PRUNE2: variants seen among roughly 807,000 people sequenced by gnomAD.
PRUNE2 encodes the protein prune homolog 2 with BCH domain, also known as protein prune homolog 2.
PRUNE2 carries 164 observed loss-of-function variants against 252.0 expected under a neutral mutation model. The ratio of observed to expected loss-of-function variants is 0.65; its 90% CI spans 0.57 to 0.74. The LOEUF (loss-of-function observed/expected upper bound fraction) is 0.74, where lower values mean the gene tolerates loss of function less well. Ranked by LOEUF, PRUNE2 falls within the 30% of genes least tolerant of loss-of-function variation. PRUNE2 has a pLI of 0.00. For missense variants in PRUNE2, 3,495 were observed against 3,711.0 expected, an observed-to-expected ratio of 0.94 and a Z score of 1.51; for synonymous variants, 1,292 against 1,350.2, an observed-to-expected ratio of 0.96 and a Z score of 0.94.
chr9:76,705,197 C>T lies in PRUNE2; in HGVS notation c.7077G>A (p.Gln2359=), dbSNP rs901107332. Residue 2359 remains glutamine (Q), a synonymous_variant, in exon 8 of 19, where the codon CAG becomes CAA. Coordinates refer to ENST00000376718, the MANE Select transcript of PRUNE2 (RefSeq NM_015225.3). ...WGDFEYDVMG[Q]NIDEDLLREP... The stretch of plus-strand genomic sequence containing the variant: ...CTCTCAGTAAATCTTCATCGATATT[C>T]TGGCCCATTACATCATATTCAAAAT... 13 of 1,614,046 alleles carry T rather than the reference C, an allele frequency of 8.1e-6. No homozygotes were observed. The highest frequency in any genetic ancestry group is 1.1e-5 in the Non-Finnish European group (13 of 1,179,906).
intron 1 of PRUNE2, among the ~76,000 whole-genome samples, chr9:76,874,577 T>C (rs546398961): frequency 7.5e-4 from 114 of 152,326 alleles, no homozygotes; most frequent in African/African-American, 2.6e-3. Flanking sequence ...GTCAGTCTAA[T>C]AGGAAAAAGA....
chr9:76,647,836 T>C (rs1237817009), intron 11 of PRUNE2, among the ~76,000 whole-genome samples: 1 of 151,962 alleles, frequency 6.6e-6, no homozygotes, highest in African/African-American at 2.4e-5. Context: ...GTGGCATGCA[T>C]CTGTAATCCC....
chr9:76,796,599 C>T (rs1383051435), intron 6 of PRUNE2, among the ~76,000 whole-genome samples: 1 of 152,210 alleles, frequency 6.6e-6, no homozygotes, highest in Non-Finnish European at 1.5e-5. Flanking sequence ...TGCCTCCTTA[C>T]AGCTGGCATT....
At chr9:76,620,042 TATACTG>T (rs1437549331) in intron 17 of PRUNE2, among the ~76,000 whole-genome samples, 1 of 152,222 alleles carries the variant, frequency 6.6e-6, no homozygotes, top group South Asian at 2.1e-4. Flanking sequence ...CTGTTTTTGA[TATACTG>T]GTGTGATTTC....
At chr9:76,671,071 G>A (rs1225607447) in intron 9 of PRUNE2, among the ~76,000 whole-genome samples, 2 of 152,210 alleles carry the variant, frequency 1.3e-5, no homozygotes, top group Non-Finnish European at 2.9e-5. Context: ...TTGACGAGCT[G>A]AGAGAAGAAG....
At chr9:76,618,109 C>CT (rs897535484) in intron 18 of PRUNE2, among the ~76,000 whole-genome samples, 2 of 151,980 alleles carry the variant, frequency 1.3e-5, no homozygotes, top group African/African-American at 4.8e-5. Context: ...GGTCTTTGTT[C>CT]TTTTTTTAAA....
chr9:76,681,829 A>G (rs184204171), intron 9 of PRUNE2, among the ~76,000 whole-genome samples: 11 of 152,352 alleles, frequency 7.2e-5, no homozygotes, highest in African/African-American at 2.4e-4. Flanking sequence ...AACTCCTTTC[A>G]GGGAATTCTT....
At chr9:76,837,475 A>AATAATAATAATG (rs1443162277) in intron 4 of PRUNE2, among the ~76,000 whole-genome samples, 1 of 42,524 alleles carries the variant, frequency 2.4e-5, no homozygotes, top group Non-Finnish European at 4.6e-5. Flanking sequence ...TAATAATAAT[A>AATAATAATAATG]ATGCTATTAA....
chr9:76,846,056 G>A (rs1486723345), intron 4 of PRUNE2, among the ~76,000 whole-genome samples: 1 of 152,164 alleles, frequency 6.6e-6, no homozygotes. Context: ...GACTATAAAA[G>A]CCCTGACACA....
intron 9 of PRUNE2, among the ~76,000 whole-genome samples, chr9:76,690,178 T>C (rs962183993): frequency 6.6e-6 from 1 of 152,228 alleles, no homozygotes. Flanking sequence ...AATCTGTCCT[T>C]CTCTACTTTT....
intron 1 of PRUNE2, among the ~76,000 whole-genome samples, chr9:76,894,659 G>A (rs1159347008): frequency 6.7e-6 from 1 of 149,530 alleles, no homozygotes; most frequent in Non-Finnish European, 1.5e-5. Flanking sequence ...TGTTGCTGGA[G>A]AGGAGGAAGC....
At chr9:76,860,730 G>A (rs145765494) in intron 1 of PRUNE2, among the ~76,000 whole-genome samples, 193 of 152,294 alleles carry the variant, frequency 1.3e-3, no homozygotes, top group Non-Finnish European at 2.2e-3. Context: ...ACACACTAAA[G>A]TGGGGGCACA....
chr9:76,868,837 T>TGGGGGGGGGGG (rs111357062), intron 1 of PRUNE2: 15 of 77,086 alleles, frequency 1.9e-4, no homozygotes, highest in East Asian at 4.0e-4. Context: ...CCTTGGGGGG[T>TGGGGGGGGGGG]GGGGGGGGGG....
At chr9:76,691,920 A>C in intron 9 of PRUNE2, 1 of 606,514 alleles carries the variant, frequency 1.6e-6, no homozygotes, top group Non-Finnish European at 3.0e-6. Flanking sequence ...GTCAGTTGCA[A>C]GGGGCTGGGC....
rs1025656155 is a variant in PRUNE2, at chr9:76,780,462, C to T, written c.756+43170G>A. Among the ~76,000 whole-genome samples, 12 of 152,016 alleles carry T rather than the reference C, an allele frequency of 7.9e-5. 1 individual carries two copies. The highest frequency in any genetic ancestry group is 2.1e-4 in the South Asian group (1 of 4,814). On this transcript the variant is annotated intron_variant, in intron 6 of 18. Coordinates refer to ENST00000376718, the MANE Select transcript of PRUNE2 (RefSeq NM_015225.3). ...CAGCACTTTGGGAGGCCGAGGCGGGCGGATCACGAGGCCAGGAGATCAAGA... is the reference window on the plus strand; with the variant it reads ...CAGCACTTTGGGAGGCCGAGGCGGGTGGATCACGAGGCCAGGAGATCAAGA...
intron 12 of PRUNE2, chr9:76,644,415 GT>G: frequency 2.6e-6 from 1 of 388,232 alleles, no homozygotes. Flanking sequence ...CAGTTCAACC[GT>G]ACAATGGACT....
At position 76,880,796 on chromosome 9, in the gene PRUNE2, T is replaced by C. The variant is rs550710078; in HGVS notation, c.36+25132A>G. Among the ~76,000 whole-genome samples, 57 of 152,304 alleles carry C rather than the reference T, an allele frequency of 3.7e-4. No homozygotes were observed. In the South Asian group the frequency reaches 0.011, roughly 30 times the overall value. ...ACTAAGATGTATTTGTTTTGGAAAA[T>C]ATAGTTATTTTAAATAAAATGTTAT... On this transcript the variant is annotated intron_variant, in intron 1 of 18. Transcript: ENST00000376718.
intron 6 of PRUNE2, among the ~76,000 whole-genome samples, chr9:76,788,154 AT>A (rs1302720356): frequency 6.6e-6 from 1 of 152,132 alleles, no homozygotes; most frequent in East Asian, 1.9e-4. Context: ...CACAGGACCT[AT>A]TTCTTTGAAA....
At chr9:76,847,418 G>T (rs1414412917) in intron 3 of PRUNE2, among the ~76,000 whole-genome samples, 2 of 151,204 alleles carry the variant, frequency 1.3e-5, no homozygotes, top group African/African-American at 2.4e-5. Flanking sequence ...CATTGTATAA[G>T]TTTTTTTTAA....
Sources: gnomAD v4.1 joint callset for allele counts (sites outside exome capture counted in the v4.1 genomes callset) on GRCh38, gnomAD v4.1.1 for gene constraint, MANE v1.5 for transcripts, NCBI Gene and HGNC (gene_info 2026-07-23, HGNC 2026-07-21) for gene names.